Variants in NUDT14 observed in about 807,000 individuals in gnomAD.
NUDT14 encodes the protein uridine diphosphate glucose pyrophosphatase NUDT14.
A neutral mutation model predicts 17.5 loss-of-function variants in NUDT14; 22 were observed. The ratio of observed to expected loss-of-function variants is 1.26; its 90% CI spans 0.90 to 1.80. NUDT14 has a LOEUF of 1.80. NUDT14 is among the 40% of genes most tolerant of loss of function. The pLI, the probability that NUDT14 is intolerant of heterozygous loss-of-function variation, is 0.00. For missense variants in NUDT14, 296 were observed against 295.6 expected, an observed-to-expected ratio of 1.00 and a Z score of -0.01; for synonymous variants, 129 against 125.8, an observed-to-expected ratio of 1.03 and a Z score of -0.17.
chr14:105,177,022 G>A lies in NUDT14; in HGVS notation c.131C>T (p.Thr44Ile), dbSNP rs773207734. The change falls in exon 3 of 5, where the codon ACC becomes ATC. Residue 44 changes from threonine to isoleucine, a missense_variant. Coordinates refer to ENST00000392568, the MANE Select transcript of NUDT14 (RefSeq NM_177533.5). ...WDFMKTHDSV[T>I]VLLFNSSRRS... Reference sequence around the variant, plus strand: ...CCGAGAAGAGTTGAATAAGAGAACGGTCACGCTGTGTACGGGGGGAGGGGC... The same window carrying A: ...CCGAGAAGAGTTGAATAAGAGAACGATCACGCTGTGTACGGGGGGAGGGGC... 3 of 1,611,570 alleles carry A rather than the reference G, an allele frequency of 1.9e-6. No individual in the cohort carries two copies. Among genetic ancestry groups the A allele is most frequent in the Non-Finnish European group, 2.5e-6 (3 of 1,179,700 alleles).
chr14:105,176,516 G>C lies in NUDT14; in HGVS notation c.428+18C>G. On this transcript the variant is annotated intron_variant, in intron 4 of 4. Transcript: ENST00000392568. Reference sequence around the variant, plus strand: ...CTCCTGAGTCACACCACAGGCCTGAGGGCCTGGTCCCACTCACCAGTATGT... The same window carrying C: ...CTCCTGAGTCACACCACAGGCCTGACGGCCTGGTCCCACTCACCAGTATGT... 2 of 1,589,014 alleles carry C rather than the reference G, an allele frequency of 1.3e-6. No individual in the cohort carries two copies. Among genetic ancestry groups the C allele is most frequent in the Non-Finnish European group, 1.7e-6 (2 of 1,158,360 alleles).
intron 4 of NUDT14, chr14:105,175,862 T>C: frequency 9.1e-7 from 1 of 1,099,438 alleles, no homozygotes; most frequent in African/African-American, 1.7e-5. Context: ...CTTCTCCCAG[T>C]GGAGCGGGCC....
intron 2 of NUDT14, 131 bp downstream of exon 2, chr14:105,177,561 G>T (rs1230243319): frequency 1.2e-6 from 1 of 819,894 alleles, no homozygotes; most frequent in Non-Finnish European, 2.0e-6. Flanking sequence ...CGGGCAGAGA[G>T]AAGGGACTTT....
rs587670507 is a variant in NUDT14, at chr14:105,176,469, C to T, written c.428+65G>A. On this transcript the variant is annotated intron_variant, in intron 4 of 4. Coordinates refer to ENST00000392568, the MANE Select transcript of NUDT14 (RefSeq NM_177533.5). ...CATCCTGCTTGCACACTCCCAGGGA[C>T]GGGGCCCTCACTCTCTCCCATCTCC... The T allele has an allele frequency of 2.0e-5, 26 of 1,298,166 alleles. No individual in the cohort carries two copies. In the South Asian group the frequency reaches 2.4e-4, roughly 12 times the overall value. 80.4% of individuals were successfully genotyped at this position (1,298,166 alleles called of 1,614,324 possible).
chr14:105,181,018 CG>C lies in NUDT14; in HGVS notation c.81+110del. On this transcript the variant is annotated intron_variant, in intron 1 of 4. Coordinates refer to ENST00000392568, the MANE Select transcript of NUDT14 (RefSeq NM_177533.5). The surrounding 1 kb of genome is among the most constrained non-coding windows in gnomAD (Gnocchi z 5.0). ...GGCCGCCCGGGAGATCGGCGGGAGG[CG>C]GGGGCGGGGCTCCGGGGCGGGGCCG... 1.1e-5 allele frequency: 3 copies of C among 276,024 alleles called. No individual in the cohort carries two copies. The highest frequency in any genetic ancestry group is 1.7e-5 in the Non-Finnish European group (3 of 180,270). 17.1% of individuals were successfully genotyped at this position (276,024 alleles called of 1,614,324 possible).
Position 105,173,318 on chromosome 14 carries a change from G to GC in NUDT14, c.429-58dup. ...CCACGCTGGCCCCGCTGGCCCCCTG[G>GC]CCCTTCTACCACCCTCCAACCCACC... On this transcript the variant is annotated intron_variant, in intron 4 of 4. Coordinates refer to ENST00000392568, the MANE Select transcript of NUDT14 (RefSeq NM_177533.5). The surrounding 1 kb of genome is among the most constrained non-coding windows in gnomAD (Gnocchi z 4.7). 6.9e-7 allele frequency: 1 copy of GC among 1,444,996 alleles called. No individual in the cohort carries two copies. The highest frequency in any genetic ancestry group is 9.1e-7 in the Non-Finnish European group (1 of 1,099,698). The allele number at this position is 1,444,996 out of a possible 1,614,324, so 89.5% of individuals were successfully genotyped here.
chr14:105,181,137 A>G lies in NUDT14; in HGVS notation c.73T>C (p.Tyr25His), dbSNP rs775995862. 18 of 1,122,678 alleles carry G rather than the reference A, an allele frequency of 1.6e-5. No homozygotes were observed. Among genetic ancestry groups the G allele is most frequent in the Non-Finnish European group, 1.9e-5 (17 of 913,120 alleles). 69.5% of individuals were successfully genotyped at this position (1,122,678 alleles called of 1,614,324 possible). The change falls in exon 1 of 5, where the codon TAC (tyrosine) becomes CAC (histidine). Residue 25 changes from tyrosine (Y) to histidine (H), a missense_variant. By Grantham distance (83) the Tyr-to-His change is moderately conservative. Coordinates refer to ENST00000392568, the MANE Select transcript of NUDT14 (RefSeq NM_177533.5). The surrounding 1 kb of genome is among the most constrained non-coding windows in gnomAD (Gnocchi z 5.0). ...CGGGGGCGCGGGCTCACCTGGCGGT[A>G]ATGCAGCGTGAGCGGCCGCAGGTAG... The part of the protein sequence containing the change: ...SPYLRPLTLH[Y>H]RQNGAQKSWD...
chr14:105,176,872 A>T, intron 3 of NUDT14, 91 bp downstream of exon 3: 1 of 1,552,600 alleles, frequency 6.4e-7, no homozygotes, highest in Non-Finnish European at 8.9e-7. Flanking sequence ...CTTCCCCTGG[A>T]GCCCCCTCCC....
rs1375649459 is a variant in NUDT14, at chr14:105,181,124, C to T, written c.81+5G>A. 4 of 1,053,656 alleles carry T rather than the reference C, an allele frequency of 3.8e-6. No homozygotes were observed. Among genetic ancestry groups the T allele is most frequent in the East Asian group, 6.2e-5 (1 of 16,010 alleles). The allele number at this position is 1,053,656 out of a possible 1,614,324, so 65.3% of individuals were successfully genotyped here. A position where few individuals can be genotyped will look rare whatever the true frequency, so the allele number is the denominator to read the frequency against. On this transcript the variant is annotated splice_donor_5th_base_variant and intron_variant, in intron 1 of 4. Coordinates refer to ENST00000392568, the MANE Select transcript of NUDT14 (RefSeq NM_177533.5). This position sits in a 1 kb window ranked among gnomAD's most constrained non-coding sequence, Gnocchi z 5.0. ...GGCGCGGGGGACGCGGGGGCGCGGGCTCACCTGGCGGTAATGCAGCGTGAG... is the reference window on the plus strand; with the variant it reads ...GGCGCGGGGGACGCGGGGGCGCGGGTTCACCTGGCGGTAATGCAGCGTGAG...
intron 1 of NUDT14, among the ~76,000 whole-genome samples, chr14:105,180,109 G>C (rs1419779909): frequency 1.3e-5 from 2 of 152,182 alleles, no homozygotes; most frequent in African/African-American, 4.8e-5. Flanking sequence ...AACTGGACAG[G>C]GCTGGGCTTG....
intron 4 of NUDT14, chr14:105,176,036 AC>A: frequency 8.2e-7 from 1 of 1,215,100 alleles, no homozygotes; most frequent in Non-Finnish European, 1.1e-6. Flanking sequence ...TGGGAAGGCA[AC>A]CCCACCCCAG....
rs756087391 is a variant in NUDT14, at chr14:105,173,009, A to C, written c.*12T>G. Reference sequence around the variant, plus strand: ...GTGGCCAAGACTGGCCTCTGTCTAGAACCCTGGAGTCTCACTGGAGATCCA... The same window carrying C: ...GTGGCCAAGACTGGCCTCTGTCTAGCACCCTGGAGTCTCACTGGAGATCCA... On this transcript the variant is annotated 3_prime_UTR_variant, in exon 5 of 5. Transcript: ENST00000392568. The surrounding 1 kb of genome is among the most constrained non-coding windows in gnomAD (Gnocchi z 4.7). The C allele has an allele frequency of 6.6e-7, 1 of 1,504,070 alleles. No individual in the cohort carries two copies. The highest frequency in any genetic ancestry group is 8.9e-7 in the Non-Finnish European group (1 of 1,127,712). 93.2% of individuals were successfully genotyped at this position (1,504,070 alleles called of 1,614,324 possible).
At chr14:105,180,920 T>TC (rs1889311609) in intron 1 of NUDT14, among the ~76,000 whole-genome samples, 1 of 151,804 alleles carries the variant, frequency 6.6e-6, no homozygotes. Context: ...CCCTCAGATG[T>TC]CCCTCCCGCG....
At position 105,173,097 on chromosome 14, in the gene NUDT14, A is replaced by T. The variant is rs1889138827; in HGVS notation, c.593T>A (p.Ile198Asn). 1 of 1,583,018 alleles carries T rather than the reference A, an allele frequency of 6.3e-7. No individual in the cohort carries two copies. The highest frequency in any genetic ancestry group is 1.4e-5 in the African/African-American group (1 of 73,724). The stretch of plus-strand genomic sequence containing the variant: ...AAAGATGACGCCGAGGGTCTTGGGG[A>T]TGTCCGGGTCGTCTGCAAAGGCCTG... ...GAQAFADDPD[I>N]PKTLGVIFGV... The change falls in exon 5 of 5, where the codon ATC (isoleucine) becomes AAC (asparagine). Residue 198 changes from isoleucine (I) to asparagine (N), a missense_variant. Coordinates refer to ENST00000392568, the MANE Select transcript of NUDT14 (RefSeq NM_177533.5). This position sits in a 1 kb window ranked among gnomAD's most constrained non-coding sequence, Gnocchi z 4.7.
At position 105,181,182 on chromosome 14, in the gene NUDT14, C is replaced by G. The variant is rs1889320889; in HGVS notation, c.28G>C (p.Gly10Arg). ...AGGTAGGGTGAGGCGGCGCAGCGGC[C>G]CACGGACGCCCCCTCGATGCGCTCC... MERIEGASVGRCAASPYLRP... is the reference protein window; with the variant it reads MERIEGASVRRCAASPYLRP... Residue 10 changes from glycine to arginine, a missense_variant, in exon 1 of 5, where the codon GGC becomes CGC. Transcript: ENST00000392568. This position sits in a 1 kb window ranked among gnomAD's most constrained non-coding sequence, Gnocchi z 5.0. 2 of 1,182,976 alleles carry G rather than the reference C, an allele frequency of 1.7e-6. No homozygotes were observed. The highest frequency in any genetic ancestry group is 4.0e-5 in the Admixed American group (1 of 25,216). The allele number at this position is 1,182,976 out of a possible 1,614,324, so 73.3% of individuals were successfully genotyped here.
At position 105,173,406 on chromosome 14, in the gene NUDT14, G is replaced by T; in HGVS notation, c.429-145C>A. Reference sequence around the variant, plus strand: ...GACTCTGGGATGCCCTCTCCCACCCGGATTCCCACCTGGTGTGCACGCCCG... The same window carrying T: ...GACTCTGGGATGCCCTCTCCCACCCTGATTCCCACCTGGTGTGCACGCCCG... On this transcript the variant is annotated intron_variant, in intron 4 of 4. Transcript: ENST00000392568. This position sits in a 1 kb window ranked among gnomAD's most constrained non-coding sequence, Gnocchi z 4.7. The T allele has an allele frequency of 1.1e-6, 1 of 946,782 alleles. No homozygotes were observed. Among genetic ancestry groups the T allele is most frequent in the Non-Finnish European group, 1.4e-6 (1 of 702,754 alleles). The allele number at this position is 946,782 out of a possible 1,614,324, so 58.6% of individuals were successfully genotyped here.
Position 105,173,268 on chromosome 14 carries a change from G to C in NUDT14, c.429-7C>G, listed in dbSNP as rs764600677. 6.6e-7 allele frequency: 1 copy of C among 1,516,406 alleles called. No homozygotes were observed. The highest frequency in any genetic ancestry group is 8.8e-7 in the Non-Finnish European group (1 of 1,132,336). The allele number at this position is 1,516,406 out of a possible 1,614,324, so 93.9% of individuals were successfully genotyped here. A position where few individuals can be genotyped will look rare whatever the true frequency, so the allele number is the denominator to read the frequency against. ...AGTCAGTCCCACTCCAGACCTACGG[G>C]TTGAGACAGGGTCTGCTGAGTCACC... On this transcript the variant is annotated splice_polypyrimidine_tract_variant and splice_region_variant and intron_variant, in intron 4 of 4. Coordinates refer to ENST00000392568, the MANE Select transcript of NUDT14 (RefSeq NM_177533.5). This position sits in a 1 kb window ranked among gnomAD's most constrained non-coding sequence, Gnocchi z 4.7.
intron 4 of NUDT14, chr14:105,175,643 G>A (rs890602911): frequency 2.8e-5 from 24 of 866,718 alleles, no homozygotes; most frequent in East Asian, 1.2e-4. Flanking sequence ...CAGGTGATCC[G>A]CCTGCCTCGG....
chr14:105,173,043 G>A lies in NUDT14; in HGVS notation c.647C>T (p.Ala216Val), dbSNP rs771174228. 1 of 1,514,546 alleles carries A rather than the reference G, an allele frequency of 6.6e-7. No individual in the cohort carries two copies. The highest frequency in any genetic ancestry group is 8.8e-7 in the Non-Finnish European group (1 of 1,131,396). The allele number at this position is 1,514,546 out of a possible 1,614,324, so 93.8% of individuals were successfully genotyped here. A position where few individuals can be genotyped will look rare whatever the true frequency, so the allele number is the denominator to read the frequency against. Reference protein sequence around the residue: ...FGVSWFLSQVAPNLDLQ With the variant: ...FGVSWFLSQVVPNLDLQ ...GTCTCACTGGAGATCCAGGTTGGGGGCCACCTGGCTGAGGAACCATGAGAC... is the reference window on the plus strand; with the variant it reads ...GTCTCACTGGAGATCCAGGTTGGGGACCACCTGGCTGAGGAACCATGAGAC... The change falls in exon 5 of 5, where the codon GCC becomes GTC. Residue 216 changes from alanine to valine, a missense_variant. Coordinates refer to ENST00000392568, the MANE Select transcript of NUDT14 (RefSeq NM_177533.5). This position sits in a 1 kb window ranked among gnomAD's most constrained non-coding sequence, Gnocchi z 4.7.
Sources: allele counts gnomAD v4.1 joint callset (sites outside exome capture counted in the v4.1 genomes callset), GRCh38; gene constraint gnomAD v4.1.1; non-coding constraint Gnocchi (gnomAD v3.1); transcripts MANE v1.5; gene names NCBI Gene and HGNC (gene_info 2026-07-23, HGNC 2026-07-21).